Variants in TNN observed in about 807,000 individuals in gnomAD.
TNN encodes the protein tenascin-N.
In TNN, 122 loss-of-function variants were observed where a neutral mutation model predicts 134.4. The ratio of observed to expected loss-of-function variants is 0.91; its 90% CI spans 0.78 to 1.06. The LOEUF is 1.06. TNN is among the 50% of genes least tolerant of loss of function. TNN has a pLI of 0.00. For missense variants in TNN, 1,739 were observed against 1,699.4 expected, an observed-to-expected ratio of 1.02 and a Z score of -0.41; for synonymous variants, 710 against 670.3, an observed-to-expected ratio of 1.06 and a Z score of -0.91.
intron 4 of TNN, among the ~76,000 whole-genome samples, chr1:175,081,910 G>A (rs1220297477): frequency 6.6e-6 from 1 of 152,206 alleles, no homozygotes; most frequent in Non-Finnish European, 1.5e-5. Flanking sequence ...TGTAACAGAA[G>A]TGGCCATCAC....
intron 3 of TNN, 85 bp from the exon 4 acceptor site, chr1:175,080,078 C>T: frequency 6.4e-7 from 1 of 1,557,546 alleles, no homozygotes; most frequent in South Asian, 1.2e-5. Flanking sequence ...TGCACACCCA[C>T]CCTTATAGTG....
rs778687274 is a variant in TNN, at chr1:175,118,213, C to A, written c.2387-348C>A. Among the ~76,000 whole-genome samples, 100 of 152,230 alleles carry A rather than the reference C, an allele frequency of 6.6e-4. 1 individual carries two copies. The highest frequency in any genetic ancestry group is 1.4e-3 in the Admixed American group (22 of 15,284). On this transcript the variant is annotated intron_variant, in intron 10 of 18. Coordinates refer to ENST00000239462, the MANE Select transcript of TNN (RefSeq NM_022093.2). ...TTGTTAGTTCCTGGTGAGCAGAGAC[C>A]ATGTCTTTTCCAATTCTGGATTCTG...
intron 1 of TNN, 90 bp downstream of exon 1, chr1:175,068,025 C>T (rs1673835503): frequency 9.1e-6 from 4 of 437,444 alleles, no homozygotes; most frequent in Admixed American, 2.5e-5. Flanking sequence ...CAGGTGCCTC[C>T]GTTCCCGAGC....
intron 9 of TNN, among the ~76,000 whole-genome samples, chr1:175,102,374 G>A (rs1032405569): frequency 6.9e-6 from 1 of 145,980 alleles, no homozygotes; most frequent in Non-Finnish European, 1.5e-5. Flanking sequence ...GGGGAGGCTC[G>A]GGCTGCACAG....
In TNN at chr1:175,097,499, C is replaced by T; in HGVS notation, c.1671C>T (p.Thr557=). Residue 557 remains threonine (T), a synonymous_variant, in exon 8 of 19, where the codon ACC becomes ACT. Coordinates refer to ENST00000239462, the MANE Select transcript of TNN (RefSeq NM_022093.2). ...TCTCCTGGGACCCGGTACAGGCCAC[C>T]ATTGACAAGTACGTGGTGCGCTACA... ...ATISWDPVQA[T]IDKYVVRYTS... 1 of 1,614,164 alleles carries T rather than the reference C, an allele frequency of 6.2e-7. No homozygotes were observed. The highest frequency in any genetic ancestry group is 8.5e-7 in the Non-Finnish European group (1 of 1,180,044).
At chr1:175,119,584 A>G (rs1419582842) in intron 11 of TNN, among the ~76,000 whole-genome samples, 1 of 151,568 alleles carries the variant, frequency 6.6e-6, no homozygotes, top group African/African-American at 2.4e-5. Flanking sequence ...AGCATGTCTG[A>G]CAAAACTATA....
chr1:175,081,106 A>G (rs911186002), intron 4 of TNN, among the ~76,000 whole-genome samples: 1 of 152,152 alleles, frequency 6.6e-6, no homozygotes, highest in African/African-American at 2.4e-5. Flanking sequence ...TGCTAGCTGA[A>G]CCTGGAAGCC....
intron 17 of TNN, among the ~76,000 whole-genome samples, chr1:175,141,951 C>T (rs1421614040): frequency 2.0e-5 from 3 of 152,186 alleles, no homozygotes; most frequent in African/African-American, 4.8e-5. Context: ...TATCCCAGTG[C>T]CCAGGTTTAG....
At chr1:175,126,677 A>G (rs1308916529) in intron 12 of TNN, among the ~76,000 whole-genome samples, 2 of 151,902 alleles carry the variant, frequency 1.3e-5, no homozygotes, top group Admixed American at 6.6e-5. Flanking sequence ...GTTAATATCC[A>G]CCACTTTGTG....
intron 1 of TNN, among the ~76,000 whole-genome samples, chr1:175,074,068 CTTCCACCTGTGAA>C (rs1241369851): frequency 6.6e-6 from 1 of 152,174 alleles, no homozygotes; most frequent in Admixed American, 6.5e-5. Flanking sequence ...TCCAGCCAAG[CTTCCACCTGTGAA>C]TTCCTCCGGG....
intron 2 of TNN, 85 bp from the exon 3 acceptor site, chr1:175,079,248 G>T: frequency 7.3e-7 from 1 of 1,365,358 alleles, no homozygotes; most frequent in East Asian, 2.9e-5. Flanking sequence ...AATGATTTCT[G>T]GGTCTTGCAT....
chr1:175,080,133 C>T lies in TNN; in HGVS notation c.785-30C>T, dbSNP rs201867064. On this transcript the variant is annotated intron_variant, in intron 3 of 18. Coordinates refer to ENST00000239462, the MANE Select transcript of TNN (RefSeq NM_022093.2). ...GTCTGGATCGCCTCCCTTGCTCACCCTCTCTGCCCTGTTCCTGTTCTGCCT... is the reference window on the plus strand; with the variant it reads ...GTCTGGATCGCCTCCCTTGCTCACCTTCTCTGCCCTGTTCCTGTTCTGCCT... 6.8e-6 allele frequency: 11 copies of T among 1,609,030 alleles called. No individual in the cohort carries two copies. In the African/African-American group the frequency reaches 1.1e-4, roughly 16 times the overall value.
Position 175,118,695 on chromosome 1 carries a change from G to A in TNN, c.2521G>A (p.Val841Ile). The part of the protein sequence containing the change: ...YTSANGETRE[V>I]PVGKEQSSTV... ...GTCTGCCAACGGAGAGACCAGGGAGGTTCCAGTGGGGAAGGAGCAGAGCAG... is the reference window on the plus strand; with the variant it reads ...GTCTGCCAACGGAGAGACCAGGGAGATTCCAGTGGGGAAGGAGCAGAGCAG... Residue 841 changes from valine to isoleucine, a missense_variant, in exon 11 of 19, where the codon GTT (valine) becomes ATT (isoleucine). By Grantham distance (29) the Val-to-Ile change is conservative. Coordinates refer to ENST00000239462, the MANE Select transcript of TNN (RefSeq NM_022093.2). The A allele has an allele frequency of 1.2e-6, 2 of 1,614,270 alleles. No individual in the cohort carries two copies. Among genetic ancestry groups the A allele is most frequent in the South Asian group, 1.1e-5 (1 of 91,086 alleles).
chr1:175,143,975 A>G (rs1184921488), intron 17 of TNN, among the ~76,000 whole-genome samples: 1 of 151,720 alleles, frequency 6.6e-6, no homozygotes, highest in Non-Finnish European at 1.5e-5. Context: ...AGAGGTATGA[A>G]GGGATTTCCA....
intron 1 of TNN, among the ~76,000 whole-genome samples, chr1:175,072,067 G>T (rs559626585): frequency 6.6e-6 from 1 of 152,286 alleles, no homozygotes; most frequent in East Asian, 1.9e-4. Context: ...AAAGCCACAG[G>T]GGTAGATGCA....
intron 6 of TNN, among the ~76,000 whole-genome samples, chr1:175,087,989 T>C (rs1440691851): frequency 6.6e-6 from 1 of 152,166 alleles, no homozygotes; most frequent in African/African-American, 2.4e-5. Context: ...GATGCATAGG[T>C]CAAGGTACGT....
Position 175,085,435 on chromosome 1 carries a change from C to T in TNN, c.1265C>T (p.Thr422Met), listed in dbSNP as rs568767748. Residue 422 changes from threonine (T) to methionine (M), a missense_variant, in exon 6 of 19, where the codon ACG (threonine) becomes ATG (methionine). Transcript: ENST00000239462. ...CACCCGGGGACTGAGTATAAGATCA[C>T]GGTGGTGCCCATGAGAGGAGAGCTG... Reference protein sequence around the residue: ...GLHPGTEYKITVVPMRGELEG... With the variant: ...GLHPGTEYKIMVVPMRGELEG... 9.9e-5 allele frequency: 160 copies of T among 1,612,670 alleles called. No homozygotes were observed. Among genetic ancestry groups the T allele is most frequent in the Non-Finnish European group, 1.2e-4 (147 of 1,179,316 alleles).
At chr1:175,077,861 A>T (rs763012950) in intron 2 of TNN, 34 bp downstream of exon 2, 10 of 1,586,748 alleles carry the variant, frequency 6.3e-6, no homozygotes, top group East Asian at 2.3e-5. Context: ...TTCAACAAAC[A>T]TTTGATGAGC....
intron 5 of TNN, among the ~76,000 whole-genome samples, chr1:175,084,828 C>CT (rs1031041543): frequency 1.4e-4 from 21 of 152,054 alleles, no homozygotes; most frequent in Non-Finnish European, 2.1e-4. Context: ...AGAGAAATAA[C>CT]TTTTTTTTAA....
Sources: gnomAD v4.1 joint callset for allele counts (sites outside exome capture counted in the v4.1 genomes callset) on GRCh38, gnomAD v4.1.1 for gene constraint, MANE v1.5 for transcripts, NCBI Gene and HGNC (gene_info 2026-07-23, HGNC 2026-07-21) for gene names.